The following LIN52 variants were observed in gnomAD, a reference collection of about 807,000 sequenced individuals.
LIN52 encodes the protein lin-52 DREAM MuvB core complex component.
Under a neutral mutation model 18.5 loss-of-function variants are expected in LIN52, and 4 were observed. The observed-to-expected ratio is 0.22, with a 90% confidence interval of 0.11 to 0.49. The LOEUF (loss-of-function observed/expected upper bound fraction) is 0.49, where lower values mean the gene tolerates loss of function less well. LIN52 is among the 20% of genes least tolerant of loss of function. The pLI is 0.97. For missense variants in LIN52, 102 were observed against 139.5 expected (o/e 0.73, Z 1.35); for synonymous variants, 34 against 45.5 (o/e 0.75, Z 1.02).
chr14:74,098,840 G>A (rs1455024370), intron 4 of LIN52, among the ~76,000 whole-genome samples: 1 of 152,050 alleles, frequency 6.6e-6, no homozygotes, highest in African/African-American at 2.4e-5. Flanking sequence ...GAGCCACCAC[G>A]CCCCGCGTAA....
At chr14:74,106,683 C>T (rs2139893719) in intron 5 of LIN52, among the ~76,000 whole-genome samples, 1 of 152,312 alleles carries the variant, frequency 6.6e-6, no homozygotes, top group South Asian at 2.1e-4. Context: ...CTCCACCTCC[C>T]AGGCTCAAGT....
intron 5 of LIN52, among the ~76,000 whole-genome samples, chr14:74,137,891 G>T (rs2139948465): frequency 6.6e-6 from 1 of 152,236 alleles, no homozygotes; most frequent in South Asian, 2.1e-4. Context: ...AGAATATTGA[G>T]TTTTGAGTTC....
intron 5 of LIN52, among the ~76,000 whole-genome samples, chr14:74,126,520 G>A (rs2061031088): frequency 6.6e-6 from 1 of 152,042 alleles, no homozygotes; most frequent in African/African-American, 2.4e-5. Flanking sequence ...AACAAAATGT[G>A]GTATATCCAT....
At chr14:74,104,966 C>G (rs1185602109) in intron 5 of LIN52, among the ~76,000 whole-genome samples, 1 of 152,154 alleles carries the variant, frequency 6.6e-6, no homozygotes. Flanking sequence ...TAGTAATATT[C>G]TGTCATTTCT....
intron 5 of LIN52, among the ~76,000 whole-genome samples, chr14:74,107,534 T>C (rs28452162): frequency 6.6e-6 from 1 of 152,168 alleles, no homozygotes; most frequent in Non-Finnish European, 1.5e-5. Flanking sequence ...AAATTGCCCC[T>C]AGAGCAGTTT....
intron 5 of LIN52, among the ~76,000 whole-genome samples, chr14:74,105,958 T>C (rs2060894916): frequency 6.6e-6 from 1 of 152,246 alleles, no homozygotes; most frequent in African/African-American, 2.4e-5. Context: ...TACATGATTA[T>C]GCCTCAGATA....
chr14:74,107,935 A>G (rs977963914), intron 5 of LIN52, among the ~76,000 whole-genome samples: 7 of 152,122 alleles, frequency 4.6e-5, no homozygotes, highest in South Asian at 4.1e-4. Flanking sequence ...TGATTTTTGT[A>G]TATTCAGAAT....
At position 74,167,512 on chromosome 14, in the gene LIN52, C is replaced by T. The variant is rs529228492; in HGVS notation, c.284-31410C>T. On this transcript the variant is annotated intron_variant, in intron 5 of 5. Coordinates refer to ENST00000555028, the MANE Select transcript of LIN52 (RefSeq NM_001024674.3). ...AACTCCTGACCTCAAGTGATCCACC[C>T]GCCTCAGCCTCCCAAAGTGTTGGGA... is the stretch of plus-strand genomic sequence containing the variant. 1.2e-3 allele frequency among the ~76,000 whole-genome samples: 188 copies of T among 152,128 alleles called. 1 individual carries two copies. The highest frequency in any genetic ancestry group is 3.4e-3 in the Middle Eastern group (1 of 294).
At chr14:74,181,075 T>C (rs1445203419) in intron 5 of LIN52, among the ~76,000 whole-genome samples, 6 of 139,156 alleles carry the variant, frequency 4.3e-5, no homozygotes, top group Non-Finnish European at 3.0e-5. Context: ...GCCACTGCAC[T>C]CTAGCCTGGG....
intron 5 of LIN52, among the ~76,000 whole-genome samples, chr14:74,169,357 T>G (rs889845044): frequency 3.4e-4 from 52 of 152,186 alleles, no homozygotes; most frequent in African/African-American, 1.2e-3. Context: ...AGAAGTATCC[T>G]TTCTCTTAAG....
At chr14:74,117,430 G>C (rs933419999) in intron 5 of LIN52, among the ~76,000 whole-genome samples, 3 of 151,998 alleles carry the variant, frequency 2.0e-5, no homozygotes, top group African/African-American at 7.3e-5. Flanking sequence ...ATCTTAAATA[G>C]AACTGCAGCT....
At chr14:74,148,430 T>C (rs1341905774) in intron 5 of LIN52, among the ~76,000 whole-genome samples, 1 of 152,124 alleles carries the variant, frequency 6.6e-6, no homozygotes, top group Non-Finnish European at 1.5e-5. Context: ...GGCAAATGTA[T>C]AAAAAGTTTG....
chr14:74,188,761 A>G (rs559276774), intron 5 of LIN52, among the ~76,000 whole-genome samples: 97 of 152,332 alleles, frequency 6.4e-4, no homozygotes, highest in South Asian at 4.8e-3. Flanking sequence ...TCCAAATGCA[A>G]TTAGCATCAT....
At chr14:74,092,210 G>C (rs2060776975) in intron 2 of LIN52, among the ~76,000 whole-genome samples, 2 of 151,320 alleles carry the variant, frequency 1.3e-5, no homozygotes, top group Admixed American at 1.3e-4. Context: ...GACCTCAGGT[G>C]ATCCACCTGC....
At chr14:74,112,756 C>T (rs2060937689) in intron 5 of LIN52, among the ~76,000 whole-genome samples, 1 of 151,952 alleles carries the variant, frequency 6.6e-6, no homozygotes, top group Admixed American at 6.6e-5. Flanking sequence ...CTACTTCATA[C>T]AAGGCTATGT....
intron 5 of LIN52, among the ~76,000 whole-genome samples, chr14:74,177,661 G>A (rs1240780772): frequency 6.6e-6 from 1 of 152,196 alleles, no homozygotes; most frequent in Non-Finnish European, 1.5e-5. Context: ...CTTGAGCTAG[G>A]ATGGAAAAGA....
intron 5 of LIN52, among the ~76,000 whole-genome samples, chr14:74,150,318 G>T (rs2061171065): frequency 6.6e-6 from 1 of 152,108 alleles, no homozygotes; most frequent in Admixed American, 6.5e-5. Context: ...TATTGATAAA[G>T]AACATAGTAG....
At chr14:74,153,518 T>C (rs1595176952) in intron 5 of LIN52, among the ~76,000 whole-genome samples, 1 of 152,102 alleles carries the variant, frequency 6.6e-6, no homozygotes, top group East Asian at 1.9e-4. Context: ...TCTTTTAATA[T>C]TCCAAAAATA....
chr14:74,117,683 TAAG>T (rs1398669882), intron 5 of LIN52, among the ~76,000 whole-genome samples: 1 of 152,190 alleles, frequency 6.6e-6, no homozygotes, highest in East Asian at 1.9e-4. Context: ...TTCAACAAAA[TAAG>T]GAGTGTTTTT....
Sources: allele counts gnomAD v4.1 joint callset (sites outside exome capture counted in the v4.1 genomes callset), GRCh38; gene constraint gnomAD v4.1.1; transcripts MANE v1.5; gene names NCBI Gene and HGNC (gene_info 2026-07-23, HGNC 2026-07-21).